The following CTNNA3 variants were observed in gnomAD, a reference collection of about 807,000 sequenced individuals.
The protein encoded by CTNNA3 is catenin alpha 3, also known as catenin alpha-3.
A neutral mutation model predicts 95.7 loss-of-function variants in CTNNA3; 76 were observed. The observed-to-expected ratio is 0.79, with a 90% CI of 0.66 to 0.96. The LOEUF (loss-of-function observed/expected upper bound fraction) is 0.96, where lower values mean the gene tolerates loss of function less well. Among genes scored for constraint, CTNNA3 ranks in the 40% least tolerant of loss-of-function variants. The pLI, the probability that CTNNA3 is intolerant of heterozygous loss-of-function variation, is 0.00. For missense variants in CTNNA3, 1,191 were observed against 1,089.8 expected, an observed-to-expected ratio of 1.09 and a Z score of -1.31; for synonymous variants, 431 against 374.4, an observed-to-expected ratio of 1.15 and a Z score of -1.74.
intron 1 of CTNNA3, among the ~76,000 whole-genome samples, chr10:67,689,565 G>C (rs1840801854): frequency 1.3e-5 from 2 of 152,274 alleles, no homozygotes; most frequent in South Asian, 4.1e-4. Flanking sequence ...CAAGGGTCAG[G>C]AGATAGGATA....
intron 3 of CTNNA3, among the ~76,000 whole-genome samples, chr10:67,552,672 C>T (rs905111906): frequency 2.0e-5 from 3 of 152,166 alleles, no homozygotes; most frequent in East Asian, 1.9e-4. Flanking sequence ...CCCTCCCCAA[C>T]CCAACCCCTG....
At chr10:67,543,394 T>C (rs1250086394) in intron 3 of CTNNA3, among the ~76,000 whole-genome samples, 4 of 152,178 alleles carry the variant, frequency 2.6e-5, no homozygotes, top group Admixed American at 2.6e-4. Context: ...AATACACATA[T>C]TACCAAATAT....
At chr10:67,601,913 T>C (rs1843094857) in intron 3 of CTNNA3, among the ~76,000 whole-genome samples, 1 of 152,178 alleles carries the variant, frequency 6.6e-6, no homozygotes, top group African/African-American at 2.4e-5. Flanking sequence ...GCAGGTTCTT[T>C]AGGTAACCAA....
intron 13 of CTNNA3, among the ~76,000 whole-genome samples, chr10:66,234,474 A>G (rs1276311085): frequency 6.6e-6 from 1 of 152,162 alleles, no homozygotes; most frequent in Non-Finnish European, 1.5e-5. Flanking sequence ...ATGATTGAAC[A>G]TTGATCTTTG....
intron 7 of CTNNA3, among the ~76,000 whole-genome samples, chr10:66,879,378 G>A (rs1015182605): frequency 7.9e-5 from 12 of 152,000 alleles, no homozygotes; most frequent in Admixed American, 1.3e-4. Flanking sequence ...CCTCACACTC[G>A]AAATAAAAGT....
chr10:66,347,194 T>C (rs2092529144), intron 12 of CTNNA3, among the ~76,000 whole-genome samples: 1 of 152,076 alleles, frequency 6.6e-6, no homozygotes, highest in African/African-American at 2.4e-5. Context: ...GGGCCAAACA[T>C]TTTATAAGTT....
chr10:67,181,493 C>T (rs553678811), intron 6 of CTNNA3, among the ~76,000 whole-genome samples: 1 of 152,222 alleles, frequency 6.6e-6, no homozygotes, highest in East Asian at 1.9e-4. Context: ...GAACCCTTAA[C>T]ATGAAATGCA....
chr10:67,558,651 C>G (rs906900941), intron 3 of CTNNA3, among the ~76,000 whole-genome samples: 2 of 152,210 alleles, frequency 1.3e-5, no homozygotes, highest in African/African-American at 4.8e-5. Flanking sequence ...ACAGTGGGTG[C>G]AGTGCACTGT....
At chr10:67,121,200 T>C (rs1403438001) in intron 7 of CTNNA3, among the ~76,000 whole-genome samples, 4 of 152,108 alleles carry the variant, frequency 2.6e-5, no homozygotes, top group East Asian at 3.8e-4. Flanking sequence ...ATCTTCCGTA[T>C]TGCAGATTAT....
intron 11 of CTNNA3, among the ~76,000 whole-genome samples, chr10:66,426,457 G>A (rs1237142545): frequency 6.6e-6 from 1 of 151,962 alleles, no homozygotes; most frequent in Non-Finnish European, 1.5e-5. Context: ...TGTATTTGTG[G>A]ATTGTAAACT....
intron 7 of CTNNA3, among the ~76,000 whole-genome samples, chr10:67,155,362 A>C (rs1861263129): frequency 6.6e-6 from 1 of 152,218 alleles, no homozygotes; most frequent in Admixed American, 6.5e-5. Flanking sequence ...CATTTTAACT[A>C]GCTACTTAGA....
chr10:66,512,456 T>G (rs1840696382), intron 11 of CTNNA3, among the ~76,000 whole-genome samples: 1 of 152,082 alleles, frequency 6.6e-6, no homozygotes, highest in Admixed American at 6.5e-5. Context: ...TCCTTTCTTC[T>G]TTTATTATTT....
chr10:67,662,538 C>G (rs774014969), intron 1 of CTNNA3, among the ~76,000 whole-genome samples: 1 of 152,132 alleles, frequency 6.6e-6, no homozygotes, highest in Non-Finnish European at 1.5e-5. Context: ...AAGAATGAAC[C>G]AAGTATACAT....
intron 3 of CTNNA3, among the ~76,000 whole-genome samples, chr10:67,575,829 T>C (rs1222985477): frequency 2.6e-5 from 4 of 152,212 alleles, no homozygotes; most frequent in Non-Finnish European, 5.9e-5. Context: ...AATCTTGTTA[T>C]GGTTGTATTC....
chr10:67,512,715 G>C (rs973101896), intron 5 of CTNNA3, among the ~76,000 whole-genome samples: 1 of 151,244 alleles, frequency 6.6e-6, no homozygotes, highest in African/African-American at 2.4e-5. Context: ...GGCCAGGAGC[G>C]GTGGCTCACA....
intron 5 of CTNNA3, among the ~76,000 whole-genome samples, chr10:67,379,320 T>G (rs1174187237): frequency 6.6e-6 from 1 of 152,156 alleles, no homozygotes; most frequent in Non-Finnish European, 1.5e-5. Context: ...TCCTCAAGCC[T>G]CAGATTCATC....
At chr10:67,670,394 T>C (rs1431220448) in intron 1 of CTNNA3, among the ~76,000 whole-genome samples, 1 of 152,240 alleles carries the variant, frequency 6.6e-6, no homozygotes, top group Non-Finnish European at 1.5e-5. Context: ...AAAATCAATT[T>C]TGCAAAACTT....
At chr10:67,340,472 A>G (rs1589187824) in intron 5 of CTNNA3, among the ~76,000 whole-genome samples, 2 of 152,364 alleles carry the variant, frequency 1.3e-5, no homozygotes, top group South Asian at 4.1e-4. Flanking sequence ...TAACACACTC[A>G]GCATGCTAAT....
At chr10:66,327,393 T>C (rs2092267364) in intron 12 of CTNNA3, among the ~76,000 whole-genome samples, 1 of 152,072 alleles carries the variant, frequency 6.6e-6, no homozygotes, top group Admixed American at 6.5e-5. Flanking sequence ...TCTTATTCTG[T>C]GTCAAAAAAT....
Sources: gnomAD v4.1 joint callset for allele counts (sites outside exome capture counted in the v4.1 genomes callset) on GRCh38, gnomAD v4.1.1 for gene constraint, MANE v1.5 for transcripts, NCBI Gene and HGNC (gene_info 2026-07-23, HGNC 2026-07-21) for gene names.